PGBD2: variants seen among roughly 807,000 people sequenced by gnomAD.
The protein encoded by PGBD2 is piggyBac transposable element-derived protein 2.
In PGBD2, 6 loss-of-function variants were observed where a neutral mutation model predicts 8.1. The observed-to-expected ratio is 0.74, with a 90% CI of 0.40 to 1.46. The LOEUF is 1.46. Among genes scored for constraint, PGBD2 ranks in the 40% most tolerant of loss-of-function variants. The pLI is 0.02. For missense variants in PGBD2, 802 were observed against 739.0 expected (o/e 1.09, Z -0.99); for synonymous variants, 318 against 272.2 (o/e 1.17, Z -1.66).
At chr1:248,893,839 T>C in the PGBD2 span, among the ~76,000 whole-genome samples, 1 of 152,248 alleles carries the variant, frequency 6.6e-6, no homozygotes, top group South Asian at 2.1e-4. Context: ...AATAGCTGTA[T>C]TAATTCACAT....
At chr1:248,922,069 T>C (rs1421586659), downstream of PGBD2, among the ~76,000 whole-genome samples, 3 of 151,206 alleles carry the variant, frequency 2.0e-5, no homozygotes, top group African/African-American at 2.4e-5. Context: ...TTTCTTTTTT[T>C]TTTTTTTTGA....
chr1:248,919,187 C>A (rs1024774095), downstream of PGBD2: 1 of 167,000 alleles, frequency 6.0e-6, no homozygotes, highest in African/African-American at 2.4e-5. Context: ...CTTACTCATT[C>A]TTTCTATTTT....
At chr1:248,929,807 C>T in the PGBD2 span, among the ~76,000 whole-genome samples, 2 of 152,192 alleles carry the variant, frequency 1.3e-5, no homozygotes, top group African/African-American at 4.8e-5. Flanking sequence ...GTCAAAAGTG[C>T]AGGAAACTCT....
chr1:248,921,310 T>C (rs533466524), downstream of PGBD2, among the ~76,000 whole-genome samples: 4 of 152,352 alleles, frequency 2.6e-5, no homozygotes, highest in South Asian at 2.1e-4. Context: ...CTTGAGTTGA[T>C]TTTTGTATAA....
At chr1:248,898,304 C>T in the PGBD2 span, among the ~76,000 whole-genome samples, 1 of 152,156 alleles carries the variant, frequency 6.6e-6, no homozygotes, top group Non-Finnish European at 1.5e-5. Flanking sequence ...CAGGGGTCTC[C>T]AGACACCTCC....
At chr1:248,890,246 C>T in the PGBD2 span, among the ~76,000 whole-genome samples, 2 of 152,102 alleles carry the variant, frequency 1.3e-5, no homozygotes, top group African/African-American at 2.4e-5. Flanking sequence ...AAAACTCTTA[C>T]TCTGCAAGAG....
Position 248,917,979 on chromosome 1 carries a change from G to A in PGBD2, c.1395G>A (p.Arg465=), listed in dbSNP as rs1360773682. 4 of 1,614,088 alleles carry A rather than the reference G, an allele frequency of 2.5e-6. No homozygotes were observed. The Admixed American group carries it at 5.0e-5, about 20-fold the overall frequency. Residue 465 remains arginine, a synonymous_variant, in exon 3 of 3, where the codon AGG becomes AGA. Transcript: ENST00000329291. The part of the protein sequence containing the change: ...LYQEKVGGVG[R]MDQNIAKYKV... ...AGGAGAAGGTGGGTGGCGTTGGTAG[G>A]ATGGATCAGAATATTGCCAAGTACA...
At chr1:248,904,278 A>ATT (rs780939304), upstream of PGBD2, among the ~76,000 whole-genome samples, 1 of 147,000 alleles carries the variant, frequency 6.8e-6, no homozygotes. Context: ...AACGGGCTAA[A>ATT]TTTTTTTTTT....
chr1:248,914,579 C>G (rs1662023088), intron 2 of PGBD2: 1 of 1,289,046 alleles, frequency 7.8e-7, no homozygotes, highest in Non-Finnish European at 1.0e-6. Context: ...GATGCAGCTT[C>G]TGTGGTAAAT....
chr1:248,873,951 A>G, the PGBD2 span, among the ~76,000 whole-genome samples: 10 of 152,170 alleles, frequency 6.6e-5, no homozygotes, highest in African/African-American at 1.7e-4. Context: ...TTCGAATCCC[A>G]CTTCTGACAC....
chr1:248,902,187 T>G (rs1572266801), upstream of PGBD2, among the ~76,000 whole-genome samples: 2 of 151,290 alleles, frequency 1.3e-5, no homozygotes. Context: ...GAGAATTGCT[T>G]GAACCCAGGA....
chr1:248,879,721 T>C, the PGBD2 span, among the ~76,000 whole-genome samples: 5 of 152,208 alleles, frequency 3.3e-5, no homozygotes, highest in African/African-American at 1.2e-4. Flanking sequence ...TTTGGTATGC[T>C]GATATGTGTC....
chr1:248,905,221 C>G (rs1661600305), upstream of PGBD2, among the ~76,000 whole-genome samples: 1 of 152,194 alleles, frequency 6.6e-6, no homozygotes, highest in South Asian at 2.1e-4. Context: ...TTGGAACACA[C>G]TTTACAGTGA....
At chr1:248,920,179 G>C (rs1662256058), downstream of PGBD2, among the ~76,000 whole-genome samples, 1 of 151,992 alleles carries the variant, frequency 6.6e-6, no homozygotes, top group African/African-American at 2.4e-5. Context: ...TTAAGTTCTG[G>C]GGTACATGTG....
At chr1:248,913,056 C>T (rs889471817) in intron 1 of PGBD2, among the ~76,000 whole-genome samples, 1 of 152,126 alleles carries the variant, frequency 6.6e-6, no homozygotes, top group African/African-American at 2.4e-5. Flanking sequence ...CCCGCCTCGG[C>T]CTCCCAAAGT....
At chr1:248,915,471 C>G (rs1384556760) in intron 2 of PGBD2, among the ~76,000 whole-genome samples, 1 of 152,162 alleles carries the variant, frequency 6.6e-6, no homozygotes, top group African/African-American at 2.4e-5. Context: ...TTTTCCCAAC[C>G]ATAGGCTAAT....
the PGBD2 span, among the ~76,000 whole-genome samples, chr1:248,889,904 C>A: frequency 6.6e-6 from 1 of 151,926 alleles, no homozygotes; most frequent in Non-Finnish European, 1.5e-5. Flanking sequence ...ACTCTCCCAC[C>A]CTGAATCCTT....
At chr1:248,873,398 G>T in the PGBD2 span, among the ~76,000 whole-genome samples, 1 of 152,200 alleles carries the variant, frequency 6.6e-6, no homozygotes, top group Non-Finnish European at 1.5e-5. Flanking sequence ...TGAGGGGAGG[G>T]TACGCGCAGG....
upstream of PGBD2, among the ~76,000 whole-genome samples, chr1:248,902,379 G>T (rs1661550046): frequency 6.6e-6 from 1 of 152,094 alleles, no homozygotes; most frequent in Non-Finnish European, 1.5e-5. Context: ...AAATCAGAAT[G>T]CTTTTACACT....
Sources: allele counts gnomAD v4.1 joint callset (sites outside exome capture counted in the v4.1 genomes callset), GRCh38; gene constraint gnomAD v4.1.1; transcripts MANE v1.5; gene names NCBI Gene and HGNC (gene_info 2026-07-23, HGNC 2026-07-21).